Variants in SHISA9 observed in about 807,000 individuals in gnomAD.
SHISA9 encodes the protein shisa family member 9, also known as protein shisa-9.
In SHISA9, 13 loss-of-function variants were observed where a neutral mutation model predicts 38.0. That is an observed-to-expected ratio of 0.34 (90% CI 0.22 to 0.54). The LOEUF (loss-of-function observed/expected upper bound fraction) is 0.54, where lower values mean the gene tolerates loss of function less well. Ranked by LOEUF, SHISA9 falls within the 20% of genes least tolerant of loss-of-function variation. The probability of loss-of-function intolerance (pLI) is 0.91; values close to 1 mark genes in which losing one functional copy is unlikely to be tolerated. For missense variants in SHISA9, 538 were observed against 575.8 expected (o/e 0.93, Z 0.67); for synonymous variants, 275 against 242.0 (o/e 1.14, Z -1.27).
intron 1 of SHISA9, among the ~76,000 whole-genome samples, chr16:12,903,825 C>T (rs908576631): frequency 6.6e-6 from 1 of 152,200 alleles, no homozygotes; most frequent in African/African-American, 2.4e-5. Context: ...CGTGTGTGCA[C>T]GCGCTCCGTG....
chr16:13,320,829 C>A, the SHISA9 span, among the ~76,000 whole-genome samples: 1 of 152,170 alleles, frequency 6.6e-6, no homozygotes, highest in African/African-American at 2.4e-5. Context: ...TGTGGCCACC[C>A]CCCTCTAGAC....
chr16:12,911,299 G>A, intron 1 of SHISA9: 1 of 985,342 alleles, frequency 1.0e-6, no homozygotes, highest in Non-Finnish European at 1.2e-6. Context: ...GCAAACAAAC[G>A]CCAAATTCTT....
intron 2 of SHISA9, among the ~76,000 whole-genome samples, chr16:12,997,410 GTT>G (rs34930368): frequency 4.5e-5 from 6 of 134,058 alleles, no homozygotes; most frequent in African/African-American, 5.4e-5. Context: ...GCTTAACCTA[GTT>G]TTTTTTTTTT....
At chr16:13,283,025 G>A in the SHISA9 span, among the ~76,000 whole-genome samples, 1 of 151,954 alleles carries the variant, frequency 6.6e-6, no homozygotes, top group Non-Finnish European at 1.5e-5. Context: ...TATTTTTCTT[G>A]ACTATGGTTC....
downstream of SHISA9, among the ~76,000 whole-genome samples, chr16:13,241,943 ACACCT>A (rs2051438491): frequency 6.6e-6 from 1 of 152,162 alleles, no homozygotes; most frequent in African/African-American, 2.4e-5. Context: ...ACAGAGAATT[ACACCT>A]CTGTGAGGAG....
chr16:13,322,114 G>T, the SHISA9 span, among the ~76,000 whole-genome samples: 1 of 152,168 alleles, frequency 6.6e-6, no homozygotes, highest in African/African-American at 2.4e-5. Flanking sequence ...AATATTGCCA[G>T]CTACGTAGTA....
At chr16:13,059,121 CTTTTTTT>C (rs3075088) in intron 2 of SHISA9, among the ~76,000 whole-genome samples, 5 of 74,832 alleles carry the variant, frequency 6.7e-5, no homozygotes, top group African/African-American at 3.1e-4. Context: ...AAAACTCTAT[CTTTTTTT>C]TTTTTTTTTT....
At chr16:13,534,125 C>G in the SHISA9 span, among the ~76,000 whole-genome samples, 2 of 152,042 alleles carry the variant, frequency 1.3e-5, no homozygotes, top group African/African-American at 4.8e-5. Context: ...TACCACATCT[C>G]CCTCCAACCA....
the SHISA9 span, among the ~76,000 whole-genome samples, chr16:13,359,287 C>G: frequency 2.1e-3 from 319 of 152,174 alleles, 1 homozygote; most frequent in African/African-American, 7.1e-3. Context: ...TCAAAACCAG[C>G]TTGGCTATCA....
At chr16:12,972,196 T>C (rs2072093898) in intron 2 of SHISA9, among the ~76,000 whole-genome samples, 1 of 151,872 alleles carries the variant, frequency 6.6e-6, no homozygotes, top group African/African-American at 2.4e-5. Flanking sequence ...ATTTAAAGGG[T>C]AGTGTCATAT....
chr16:13,313,780 T>C, the SHISA9 span, among the ~76,000 whole-genome samples: 1 of 152,214 alleles, frequency 6.6e-6, no homozygotes, highest in Non-Finnish European at 1.5e-5. Context: ...AAATGCCAAA[T>C]TATCTACAGC....
chr16:13,048,777 T>G (rs2073215826), intron 2 of SHISA9, among the ~76,000 whole-genome samples: 1 of 152,192 alleles, frequency 6.6e-6, no homozygotes, highest in African/African-American at 2.4e-5. Context: ...AGAAAAGAAG[T>G]TCTGTTCTAA....
intron 2 of SHISA9, among the ~76,000 whole-genome samples, chr16:13,186,663 C>A (rs1387120064): frequency 6.6e-6 from 1 of 152,082 alleles, no homozygotes; most frequent in Non-Finnish European, 1.5e-5. Context: ...GTTGTGCAAC[C>A]AATTTCCAGA....
chr16:13,025,003 C>T (rs1265226195), intron 2 of SHISA9, among the ~76,000 whole-genome samples: 1 of 152,138 alleles, frequency 6.6e-6, no homozygotes, highest in Non-Finnish European at 1.5e-5. Flanking sequence ...CTCATAATTA[C>T]CTGGACATTG....
intron 2 of SHISA9, among the ~76,000 whole-genome samples, chr16:12,955,049 G>A (rs1244137877): frequency 2.0e-5 from 3 of 147,766 alleles, no homozygotes; most frequent in Middle Eastern, 3.3e-3. Flanking sequence ...GCCAGGAGGT[G>A]TGCATTGCTG....
At chr16:13,135,008 G>A (rs1149421) in intron 2 of SHISA9, among the ~76,000 whole-genome samples, 31,467 of 152,068 alleles carry the variant, frequency 0.21, 3,534 homozygotes, top group African/African-American at 0.29. Flanking sequence ...GCCAATGCGA[G>A]TCACATGACT....
chr16:13,338,207 G>C, the SHISA9 span, among the ~76,000 whole-genome samples: 1 of 152,114 alleles, frequency 6.6e-6, no homozygotes, highest in African/African-American at 2.4e-5. Context: ...CTGAGTCCTG[G>C]TGATGTCATT....
chr16:13,480,433 AG>A, the SHISA9 span, among the ~76,000 whole-genome samples: 1 of 152,110 alleles, frequency 6.6e-6, no homozygotes, highest in Non-Finnish European at 1.5e-5. Flanking sequence ...TTCTTTCTCT[AG>A]GCTTGGGGAA....
At chr16:13,409,551 C>T in the SHISA9 span, among the ~76,000 whole-genome samples, 1 of 152,366 alleles carries the variant, frequency 6.6e-6, no homozygotes, top group East Asian at 1.9e-4. Context: ...CCCTGTCACA[C>T]ATCCTGTGAT....
Sources: allele counts gnomAD v4.1 joint callset (sites outside exome capture counted in the v4.1 genomes callset), GRCh38; gene constraint gnomAD v4.1.1; transcripts MANE v1.5; gene names NCBI Gene and HGNC (gene_info 2026-07-23, HGNC 2026-07-21).